The following OPCML variants were observed in gnomAD, a reference collection of about 807,000 sequenced individuals.
OPCML encodes opioid binding protein/cell adhesion molecule like, also known as opioid-binding protein/cell adhesion molecule.
In OPCML, 13 loss-of-function variants were observed where a neutral mutation model predicts 37.8. The ratio of observed to expected loss-of-function variants is 0.34; its 90% CI spans 0.22 to 0.55. The LOEUF is 0.55. Ranked by LOEUF, OPCML falls within the 20% of genes least tolerant of loss-of-function variation. The pLI is 0.91. For synonymous variants in OPCML, 176 were observed against 168.8 expected (o/e 1.04, Z -0.33); for missense variants, 341 against 435.6 (o/e 0.78, Z 1.93).
intron 2 of OPCML, among the ~76,000 whole-genome samples, chr11:132,706,706 C>G (rs765181157): frequency 4.6e-5 from 7 of 152,146 alleles, no homozygotes; most frequent in Non-Finnish European, 7.3e-5. Context: ...GTTAGCACTC[C>G]CCCACCCTCT....
At chr11:133,288,508 G>A (rs2136530555) in intron 1 of OPCML, among the ~76,000 whole-genome samples, 1 of 152,302 alleles carries the variant, frequency 6.6e-6, no homozygotes, top group Middle Eastern at 3.4e-3. Flanking sequence ...ACGAACCTGG[G>A]GAAATAGGAA....
At chr11:132,555,655 C>T (rs1349397480) in intron 3 of OPCML, among the ~76,000 whole-genome samples, 1 of 152,022 alleles carries the variant, frequency 6.6e-6, no homozygotes, top group Non-Finnish European at 1.5e-5. Flanking sequence ...ACCCTCAAGT[C>T]TGAAGAAAGG....
chr11:132,891,706 G>T (rs1273896737), intron 2 of OPCML, among the ~76,000 whole-genome samples: 4 of 152,154 alleles, frequency 2.6e-5, no homozygotes, highest in African/African-American at 9.7e-5. Flanking sequence ...CTGAATTAAT[G>T]AACAAATGAA....
At chr11:133,149,563 A>C (rs1949947092) in intron 1 of OPCML, among the ~76,000 whole-genome samples, 1 of 152,220 alleles carries the variant, frequency 6.6e-6, no homozygotes, top group African/African-American at 2.4e-5. Context: ...TGCCACCTCC[A>C]AATTCTCTCA....
chr11:132,859,846 A>G (rs1243352589), intron 2 of OPCML, among the ~76,000 whole-genome samples: 2 of 152,222 alleles, frequency 1.3e-5, no homozygotes, highest in East Asian at 3.8e-4. Flanking sequence ...ATTCATTTCC[A>G]TCATTTTCTC....
chr11:132,756,549 A>G (rs1449496689), intron 2 of OPCML, among the ~76,000 whole-genome samples: 1 of 152,176 alleles, frequency 6.6e-6, no homozygotes, highest in East Asian at 1.9e-4. Context: ...AGAGTAACTC[A>G]TTTACTTCAT....
In OPCML at chr11:132,686,093, T is replaced by A. The variant is rs117143482; in HGVS notation, c.147-28774A>T. 4.1e-4 allele frequency among the ~76,000 whole-genome samples: 63 copies of A among 152,302 alleles called. No individual in the cohort carries two copies. The East Asian group carries it at 0.011, about 26-fold the overall frequency. ...CTGTCCATTCCTTAATTCTAGTCCATCTGTGATCTCTCTCCAAACCTTCTG... is the reference window on the plus strand; with the variant it reads ...CTGTCCATTCCTTAATTCTAGTCCAACTGTGATCTCTCTCCAAACCTTCTG... On this transcript the variant is annotated intron_variant, in intron 2 of 7. Coordinates refer to ENST00000524381, the MANE Select transcript of OPCML (RefSeq NM_001012393.5).
intron 2 of OPCML, among the ~76,000 whole-genome samples, chr11:132,701,235 C>G (rs1943801857): frequency 6.6e-6 from 1 of 152,164 alleles, no homozygotes; most frequent in African/African-American, 2.4e-5. Flanking sequence ...CAGGAGAACT[C>G]TGGTTTATAA....
chr11:133,445,272 C>A (rs1427468367), intron 1 of OPCML, among the ~76,000 whole-genome samples: 2 of 152,206 alleles, frequency 1.3e-5, no homozygotes, highest in African/African-American at 2.4e-5. Context: ...GACCACAGAC[C>A]AATTTCCTCT....
rs530845565 is a variant in OPCML, at chr11:132,900,619, A to G, written c.146+42307T>C. Reference sequence around the variant, plus strand: ...AATGAAGCTCCTAAATGTGCCTTACAGACTTGGCACTGTCTCCGCACGCTG... The same window carrying G: ...AATGAAGCTCCTAAATGTGCCTTACGGACTTGGCACTGTCTCCGCACGCTG... On this transcript the variant is annotated intron_variant, in intron 2 of 7. Coordinates refer to ENST00000524381, the MANE Select transcript of OPCML (RefSeq NM_001012393.5). Among the ~76,000 whole-genome samples the G allele has an allele frequency of 1.6e-4, 24 of 152,312 alleles. 1 individual carries two copies. The South Asian group carries it at 4.8e-3, about 30-fold the overall frequency.
chr11:133,238,972 C>T (rs1323151197), intron 1 of OPCML, among the ~76,000 whole-genome samples: 1 of 152,160 alleles, frequency 6.6e-6, no homozygotes, highest in South Asian at 2.1e-4. Context: ...GGATCATTAT[C>T]GTCCTCACTC....
At chr11:133,244,635 T>C (rs920740181) in intron 1 of OPCML, among the ~76,000 whole-genome samples, 7 of 152,110 alleles carry the variant, frequency 4.6e-5, no homozygotes, top group Non-Finnish European at 7.3e-5. Context: ...GTTCTCAGGA[T>C]AGTGAGTGAG....
At chr11:132,519,406 T>A (rs897295111) in intron 4 of OPCML, among the ~76,000 whole-genome samples, 49 of 152,180 alleles carry the variant, frequency 3.2e-4, no homozygotes, top group African/African-American at 1.2e-3. Context: ...TAGATTGCTC[T>A]GCCATCCTCC....
intron 1 of OPCML, among the ~76,000 whole-genome samples, chr11:132,968,275 C>A (rs1366269969): frequency 6.6e-6 from 1 of 152,162 alleles, no homozygotes; most frequent in Non-Finnish European, 1.5e-5. Flanking sequence ...ATATTTAAAA[C>A]TGGATAATTT....
At chr11:133,519,464 G>A (rs989102296) in intron 1 of OPCML, among the ~76,000 whole-genome samples, 1 of 152,162 alleles carries the variant, frequency 6.6e-6, no homozygotes, top group Non-Finnish European at 1.5e-5. Flanking sequence ...TGAAAAATCT[G>A]TCACAGTCAC....
At chr11:133,103,444 C>T (rs971668962) in intron 1 of OPCML, among the ~76,000 whole-genome samples, 2 of 152,202 alleles carry the variant, frequency 1.3e-5, no homozygotes, top group African/African-American at 4.8e-5. Flanking sequence ...GCTTTGCATT[C>T]AACTTCCTGA....
intron 2 of OPCML, among the ~76,000 whole-genome samples, chr11:132,842,628 C>T (rs1226710791): frequency 6.6e-6 from 1 of 152,122 alleles, no homozygotes; most frequent in Non-Finnish European, 1.5e-5. Context: ...AGAGTTTTTT[C>T]TCCTCTAGGT....
chr11:132,536,688 C>T (rs1198837443), intron 3 of OPCML, among the ~76,000 whole-genome samples: 1 of 152,124 alleles, frequency 6.6e-6, no homozygotes, highest in Non-Finnish European at 1.5e-5. Flanking sequence ...CCTTCTGGGG[C>T]TACCTTTTTG....
chr11:133,201,628 G>T (rs11607110), intron 1 of OPCML, among the ~76,000 whole-genome samples: 13,153 of 152,162 alleles, frequency 0.086, 615 homozygotes, highest in South Asian at 0.17. Context: ...TGCAGAAAAG[G>T]CAAAGAAGAA....
Sources: allele counts gnomAD v4.1 joint callset (sites outside exome capture counted in the v4.1 genomes callset), GRCh38; gene constraint gnomAD v4.1.1; transcripts MANE v1.5; gene names NCBI Gene and HGNC (gene_info 2026-07-23, HGNC 2026-07-21).